The following RBFOX1 variants were observed in gnomAD, a reference collection of about 807,000 sequenced individuals.
The protein encoded by RBFOX1 is RNA binding protein fox-1 homolog 1.
A neutral mutation model predicts 57.7 loss-of-function variants in RBFOX1; 8 were observed. The observed-to-expected ratio is 0.14, with a 90% CI of 0.08 to 0.25. The LOEUF (loss-of-function observed/expected upper bound fraction) is 0.25, where lower values mean the gene tolerates loss of function less well. Among genes scored for constraint, RBFOX1 ranks in the 10% least tolerant of loss-of-function variants. The pLI, the probability that RBFOX1 is intolerant of heterozygous loss-of-function variation, is 1.00. For missense variants in RBFOX1, 611 were observed against 548.5 expected (o/e 1.11, Z -1.14); for synonymous variants, 326 against 222.4 (o/e 1.47, Z -4.15).
chr16:6,685,167 A>G (rs2059235071), intron 3 of RBFOX1, among the ~76,000 whole-genome samples: 1 of 151,740 alleles, frequency 6.6e-6, no homozygotes, highest in Non-Finnish European at 1.5e-5. Flanking sequence ...CCTTTTCTTT[A>G]TTCCTGCTGT....
intron 1 of RBFOX1, among the ~76,000 whole-genome samples, chr16:5,355,350 A>G (rs2065361531): frequency 6.6e-6 from 1 of 152,144 alleles, no homozygotes; most frequent in Non-Finnish European, 1.5e-5. Context: ...AGGAAGGAGC[A>G]ATTTGTGGAT....
intron 4 of RBFOX1, among the ~76,000 whole-genome samples, chr16:7,127,710 G>T (rs946145212): frequency 6.6e-6 from 1 of 152,148 alleles, no homozygotes; most frequent in Non-Finnish European, 1.5e-5. Flanking sequence ...AGAGGACTTT[G>T]GGTTGTATAT....
At chr16:7,193,244 C>G (rs570741777) in intron 4 of RBFOX1, among the ~76,000 whole-genome samples, 1 of 152,272 alleles carries the variant, frequency 6.6e-6, no homozygotes, top group Admixed American at 6.5e-5. Context: ...GAAAAGAACT[C>G]AACACATTAT....
At position 6,623,779 on chromosome 16, in the gene RBFOX1, C is replaced by A. The variant is rs548439801; in HGVS notation, c.-63-30824C>A. 6.6e-5 allele frequency among the ~76,000 whole-genome samples: 10 copies of A among 152,196 alleles called. 1 individual carries two copies. Among genetic ancestry groups the A allele is most frequent in the African/African-American group, 1.9e-4 (8 of 41,526 alleles). On this transcript the variant is annotated intron_variant, in intron 2 of 15. Transcript: ENST00000550418. ...TCCCTACAAAGGATATGAACTCATC[C>A]TTTTTTATGGCTGCATAGTATTCTA...
At chr16:7,295,061 C>T (rs967173060) in intron 4 of RBFOX1, among the ~76,000 whole-genome samples, 2 of 152,110 alleles carry the variant, frequency 1.3e-5, no homozygotes, top group African/African-American at 2.4e-5. Context: ...ACATGTATTA[C>T]GCTTGTCAGT....
chr16:5,447,556 C>G (rs1298939297), intron 1 of RBFOX1, among the ~76,000 whole-genome samples: 1 of 152,184 alleles, frequency 6.6e-6, no homozygotes, highest in East Asian at 1.9e-4. Flanking sequence ...CGCCACCACG[C>G]CCCCCTAATT....
intron 6 of RBFOX1, among the ~76,000 whole-genome samples, chr16:7,582,763 G>C (rs905770574): frequency 2.0e-5 from 3 of 152,136 alleles, no homozygotes; most frequent in Non-Finnish European, 4.4e-5. Flanking sequence ...TTTGACAGGG[G>C]TTTACAGTGA....
At chr16:7,080,466 A>G (rs1288248880) in intron 4 of RBFOX1, among the ~76,000 whole-genome samples, 1 of 152,208 alleles carries the variant, frequency 6.6e-6, no homozygotes, top group Non-Finnish European at 1.5e-5. Context: ...TACATGTAAC[A>G]GAGCCTCATT....
chr16:7,679,164 A>G (rs552599106), intron 14 of RBFOX1, among the ~76,000 whole-genome samples: 6 of 152,328 alleles, frequency 3.9e-5, no homozygotes, highest in Non-Finnish European at 7.4e-5. Context: ...TGTCTATTAA[A>G]TGGTGCTACT....
chr16:7,483,358 A>G (rs1567423866), intron 4 of RBFOX1, among the ~76,000 whole-genome samples: 1 of 152,190 alleles, frequency 6.6e-6, no homozygotes, highest in African/African-American at 2.4e-5. Context: ...TGAACCTGTG[A>G]ATTGGGGCAA....
At chr16:5,465,813 G>C (rs2068934973) in intron 1 of RBFOX1, among the ~76,000 whole-genome samples, 1 of 152,330 alleles carries the variant, frequency 6.6e-6, no homozygotes, top group Middle Eastern at 3.4e-3. Flanking sequence ...GACTCAGCAA[G>C]TGGAGTCCCG....
chr16:6,664,403 C>T (rs2098719424), intron 3 of RBFOX1, among the ~76,000 whole-genome samples: 5 of 152,180 alleles, frequency 3.3e-5, no homozygotes, highest in Admixed American at 3.3e-4. Context: ...TATCTCTGGT[C>T]AAAGAAATGT....
rs189248122 is a variant in RBFOX1, at chr16:5,802,109, G to A, written c.319-65194G>A. On this transcript the variant is annotated intron_variant, in intron 3 of 19. Transcript: ENST00000641259. The stretch of plus-strand genomic sequence containing the variant: ...GTGTAATAAGCTGTTCTCTGGAGTA[G>A]TGTATAAGCTCCTTAAGACGTTCCT... Among the ~76,000 whole-genome samples, 14 of 152,236 alleles carry A rather than the reference G, an allele frequency of 9.2e-5. No homozygotes were observed. In the East Asian group the frequency reaches 1.9e-3, roughly 21 times the overall value.
intron 2 of RBFOX1, among the ~76,000 whole-genome samples, chr16:6,527,262 A>T (rs956733168): frequency 2.6e-5 from 4 of 151,934 alleles, no homozygotes; most frequent in African/African-American, 9.7e-5. Context: ...TTTGTTTTGT[A>T]TTTTTTGTAT....
At chr16:7,352,688 C>G (rs946104059) in intron 4 of RBFOX1, among the ~76,000 whole-genome samples, 4 of 152,006 alleles carry the variant, frequency 2.6e-5, no homozygotes, top group African/African-American at 7.2e-5. Flanking sequence ...GGATCTGCCC[C>G]TCAATGTCTG....
At chr16:5,744,831 C>T (rs1440230564) in intron 3 of RBFOX1, among the ~76,000 whole-genome samples, 3 of 152,100 alleles carry the variant, frequency 2.0e-5, no homozygotes, top group Non-Finnish European at 4.4e-5. Flanking sequence ...GATCTCAGCT[C>T]ACTGCAACTT....
chr16:5,654,804 T>A (rs2049371793), intron 3 of RBFOX1, among the ~76,000 whole-genome samples: 1 of 152,104 alleles, frequency 6.6e-6, no homozygotes. Context: ...TCTCTCTCTC[T>A]CTGTCCCTCG....
chr16:5,284,943 G>C (rs2063357573), intron 1 of RBFOX1, among the ~76,000 whole-genome samples: 1 of 151,726 alleles, frequency 6.6e-6, no homozygotes, highest in African/African-American at 2.4e-5. Context: ...CCTTGGAGAA[G>C]ACCTTTTTGG....
At chr16:6,608,981 C>G (rs1248456852) in intron 2 of RBFOX1, among the ~76,000 whole-genome samples, 1 of 152,158 alleles carries the variant, frequency 6.6e-6, no homozygotes. Flanking sequence ...CCAGCCATGG[C>G]CAGGCAAGCC....
Sources: gnomAD v4.1 joint callset for allele counts (sites outside exome capture counted in the v4.1 genomes callset) on GRCh38, gnomAD v4.1.1 for gene constraint, MANE v1.5 for transcripts, NCBI Gene and HGNC (gene_info 2026-07-23, HGNC 2026-07-21) for gene names.